The following MANBA variants were observed in gnomAD, a reference collection of about 807,000 sequenced individuals.
MANBA encodes the protein mannosidase beta.
In MANBA, 83 loss-of-function variants were observed where a neutral mutation model predicts 111.1. The ratio of observed to expected loss-of-function variants is 0.75; its 90% CI spans 0.63 to 0.90. MANBA has a LOEUF of 0.90. MANBA is among the 40% of genes least tolerant of loss of function. The probability of loss-of-function intolerance (pLI) is 0.00; values close to 1 mark genes in which losing one functional copy is unlikely to be tolerated. For synonymous variants in MANBA, 370 were observed against 378.7 expected (o/e 0.98, Z 0.27); for missense variants, 1,036 against 1,069.0 (o/e 0.97, Z 0.43).
chr4:102,704,416 A>G (rs1463669661), intron 5 of MANBA, among the ~76,000 whole-genome samples: 1 of 152,112 alleles, frequency 6.6e-6, no homozygotes, highest in Admixed American at 6.5e-5. Flanking sequence ...TGATCCTTTG[A>G]ACTTGGTCTC....
At chr4:102,671,762 G>C (rs919756868) in intron 8 of MANBA, 74 of 428,162 alleles carry the variant, frequency 1.7e-4, no homozygotes, top group African/African-American at 1.5e-3. Flanking sequence ...CAAGACTTGA[G>C]TATTAGTGCC....
At chr4:102,671,450 T>C (rs1414099786) in intron 8 of MANBA, 52 bp from the exon 9 acceptor site, 5 of 1,063,346 alleles carry the variant, frequency 4.7e-6, no homozygotes, top group African/African-American at 1.6e-5. Context: ...AAAAACAGAT[T>C]GTGACAGATA....
intron 5 of MANBA, among the ~76,000 whole-genome samples, chr4:102,693,153 C>T (rs1364764279): frequency 2.0e-5 from 3 of 152,134 alleles, no homozygotes; most frequent in Non-Finnish European, 2.9e-5. Context: ...GGTTACTTAC[C>T]GATAGCCTCC....
intron 1 of MANBA, chr4:102,730,585 TG>T: frequency 1.9e-6 from 1 of 540,470 alleles, no homozygotes; most frequent in Non-Finnish European, 3.7e-6. Context: ...GATGTCTAGC[TG>T]CTCACTCCCA....
intron 1 of MANBA, among the ~76,000 whole-genome samples, chr4:102,730,996 A>G (rs983243579): frequency 6.6e-6 from 1 of 152,040 alleles, no homozygotes; most frequent in Non-Finnish European, 1.5e-5. Flanking sequence ...TTAAAAAAAT[A>G]TGTACAAGTA....
chr4:102,699,209 T>A (rs1422364124), intron 5 of MANBA, among the ~76,000 whole-genome samples: 1 of 151,974 alleles, frequency 6.6e-6, no homozygotes, highest in Admixed American at 6.5e-5. Context: ...ATTGATTTTG[T>A]ATCCTGAGAC....
intron 7 of MANBA, chr4:102,679,808 A>C (rs1731880256): frequency 1.3e-5 from 2 of 152,204 alleles, no homozygotes; most frequent in African/African-American, 4.8e-5. Flanking sequence ...AAACATAATA[A>C]GTTTGGTAGA....
chr4:102,643,957 T>G (rs1390790955), intron 13 of MANBA, among the ~76,000 whole-genome samples: 1 of 152,208 alleles, frequency 6.6e-6, no homozygotes, highest in African/African-American at 2.4e-5. Context: ...ATGGCAAATT[T>G]AAGAAACTGT....
chr4:102,677,791 G>A lies in MANBA; in HGVS notation c.961-3721C>T, dbSNP rs887297249. Among the ~76,000 whole-genome samples, 5 of 152,162 alleles carry A rather than the reference G, an allele frequency of 3.3e-5. No homozygotes were observed. In the South Asian group the frequency reaches 1.0e-3, roughly 32 times the overall value. The stretch of plus-strand genomic sequence containing the variant: ...ACTAAACAAGACGTTAAAGTGACTT[G>A]CTAACATGTAAAACTGTCATTATTT... On this transcript the variant is annotated intron_variant, in intron 7 of 16. Transcript: ENST00000647097.
At chr4:102,653,063 A>C (rs952463990) in intron 12 of MANBA, among the ~76,000 whole-genome samples, 2 of 152,190 alleles carry the variant, frequency 1.3e-5, no homozygotes, top group African/African-American at 2.4e-5. Flanking sequence ...AGAAAATCGA[A>C]CTGTCATACA....
chr4:102,716,050 A>G (rs1722314085), intron 4 of MANBA, among the ~76,000 whole-genome samples: 1 of 152,006 alleles, frequency 6.6e-6, no homozygotes, highest in Admixed American at 6.6e-5. Flanking sequence ...TGGCTCACGC[A>G]TGTAATATCA....
At chr4:102,679,146 T>C (rs979483652) in intron 7 of MANBA, among the ~76,000 whole-genome samples, 2 of 152,196 alleles carry the variant, frequency 1.3e-5, no homozygotes, top group Admixed American at 1.3e-4. Context: ...ATAGCTCTTG[T>C]CAAACAGGTC....
At chr4:102,730,978 T>G (rs1194974886) in intron 1 of MANBA, among the ~76,000 whole-genome samples, 1 of 152,032 alleles carries the variant, frequency 6.6e-6, no homozygotes, top group South Asian at 2.1e-4. Flanking sequence ...CCCCCTCCCC[T>G]TCTATATTTA....
chr4:102,752,439 C>T, intron 1 of MANBA: 1 of 808,568 alleles, frequency 1.2e-6, no homozygotes, highest in East Asian at 2.5e-5. Context: ...GGTCTCCTAC[C>T]CATGAACAGC....
chr4:102,697,884 G>A (rs918487322), intron 5 of MANBA, among the ~76,000 whole-genome samples: 11 of 151,996 alleles, frequency 7.2e-5, no homozygotes, highest in African/African-American at 2.7e-4. Flanking sequence ...GTAATGGGAT[G>A]GCTGGGTCAA....
At chr4:102,699,318 C>T (rs1351297534) in intron 5 of MANBA, among the ~76,000 whole-genome samples, 1 of 151,028 alleles carries the variant, frequency 6.6e-6, no homozygotes, top group East Asian at 1.9e-4. Context: ...GACAATTTGA[C>T]TTCCTCTTTT....
At chr4:102,657,567 A>C in intron 12 of MANBA, 115 bp downstream of exon 12, 1 of 877,004 alleles carries the variant, frequency 1.1e-6, no homozygotes, top group South Asian at 1.5e-5. Flanking sequence ...CTTCTTCTCA[A>C]ACTTTCATTT....
chr4:102,665,087 T>C (rs1342260162), intron 10 of MANBA: 3 of 495,452 alleles, frequency 6.1e-6, no homozygotes, highest in Non-Finnish European at 7.2e-6. Context: ...TCTTCTCTGC[T>C]ATATAAAAAC....
chr4:102,699,661 G>T (rs227288), intron 5 of MANBA, among the ~76,000 whole-genome samples: 94,583 of 147,932 alleles, frequency 0.64, 31,044 homozygotes, highest in South Asian at 0.79. Flanking sequence ...GTATTACATT[G>T]ATTGATTTGC....
Sources: gnomAD v4.1 joint callset for allele counts (sites outside exome capture counted in the v4.1 genomes callset) on GRCh38, gnomAD v4.1.1 for gene constraint, MANE v1.5 for transcripts, NCBI Gene and HGNC (gene_info 2026-07-23, HGNC 2026-07-21) for gene names.